The following RRAS2 variants were observed in gnomAD, a reference collection of about 807,000 sequenced individuals.
RRAS2 encodes ras-related protein R-Ras2.
RRAS2 carries 7 observed loss-of-function variants against 27.6 expected under a neutral mutation model. That is an observed-to-expected ratio of 0.25 (90% confidence interval 0.14 to 0.48). The LOEUF is 0.48. Ranked by LOEUF, RRAS2 falls within the 20% of genes least tolerant of loss-of-function variation. The pLI, the probability that RRAS2 is intolerant of heterozygous loss-of-function variation, is 0.99. For synonymous variants in RRAS2, 86 were observed against 90.9 expected (o/e 0.95, Z 0.31); for missense variants, 178 against 256.2 (o/e 0.69, Z 2.08).
intron 1 of RRAS2, among the ~76,000 whole-genome samples, chr11:14,312,271 A>C (rs1358614794): frequency 1.3e-5 from 2 of 152,240 alleles, no homozygotes; most frequent in Non-Finnish European, 2.9e-5. Flanking sequence ...GAAAAGAATA[A>C]GACACGTCTT....
chr11:14,324,812 T>C (rs1180955533), intron 1 of RRAS2, among the ~76,000 whole-genome samples: 2 of 151,780 alleles, frequency 1.3e-5, no homozygotes, highest in Non-Finnish European at 2.9e-5. Context: ...AAAAGACAAA[T>C]GGAACAAAAC....
chr11:14,348,449 C>A (rs996761840), intron 1 of RRAS2, among the ~76,000 whole-genome samples: 7 of 152,208 alleles, frequency 4.6e-5, no homozygotes, highest in Non-Finnish European at 1.0e-4. Context: ...CTTAAATCAA[C>A]TGTTATAATT....
chr11:14,341,688 C>A (rs1210252234), intron 1 of RRAS2: 10 of 316,512 alleles, frequency 3.2e-5, no homozygotes, highest in Non-Finnish European at 5.1e-5. Flanking sequence ...CCTTTAACAC[C>A]AAATTAACAG....
At chr11:14,355,848 C>G (rs1554955352) in intron 1 of RRAS2, among the ~76,000 whole-genome samples, 1 of 152,160 alleles carries the variant, frequency 6.6e-6, no homozygotes, top group African/African-American at 2.4e-5. Flanking sequence ...TGTGTTCTCT[C>G]CCTCCAGTTA....
chr11:14,301,846 GCGGGCACCTGTAGT>G (rs1847714635), intron 1 of RRAS2, among the ~76,000 whole-genome samples: 2 of 152,064 alleles, frequency 1.3e-5, no homozygotes, highest in South Asian at 4.1e-4. Flanking sequence ...GGGCGTGATA[GCGGGCACCTGTAGT>G]CCCAGCTATT....
At chr11:14,337,042 G>A (rs1554952637) in intron 1 of RRAS2, 1 of 152,116 alleles carries the variant, frequency 6.6e-6, no homozygotes, top group African/African-American at 2.4e-5. Context: ...GAAACCATGG[G>A]GATCAGAAGA....
chr11:14,317,256 A>T (rs1848127593), intron 1 of RRAS2, among the ~76,000 whole-genome samples: 1 of 152,244 alleles, frequency 6.6e-6, no homozygotes, highest in South Asian at 2.1e-4. Flanking sequence ...AATGCAAGAC[A>T]GACCTGTAAA....
intron 1 of RRAS2, among the ~76,000 whole-genome samples, chr11:14,297,567 G>C (rs967021620): frequency 4.6e-5 from 7 of 151,950 alleles, no homozygotes; most frequent in African/African-American, 2.4e-5. Context: ...TTCCAGACTA[G>C]CCTGGGCAAC....
chr11:14,352,095 CG>C (rs1351832971), intron 1 of RRAS2, among the ~76,000 whole-genome samples: 1 of 152,080 alleles, frequency 6.6e-6, no homozygotes, highest in East Asian at 1.9e-4. Context: ...AAAGCAACAT[CG>C]GATGTCTTTT....
chr11:14,354,461 C>T (rs1234262605), intron 1 of RRAS2: 1 of 151,914 alleles, frequency 6.6e-6, no homozygotes, highest in African/African-American at 2.4e-5. Flanking sequence ...GAAATTTCTC[C>T]AACTCAAAAC....
chr11:14,308,852 A>T (rs1246006806), intron 1 of RRAS2, among the ~76,000 whole-genome samples: 1 of 152,246 alleles, frequency 6.6e-6, no homozygotes, highest in Non-Finnish European at 1.5e-5. Flanking sequence ...AGAGGCAGTC[A>T]GACCTACATA....
chr11:14,314,774 C>T (rs531149241), intron 1 of RRAS2, among the ~76,000 whole-genome samples: 17 of 152,290 alleles, frequency 1.1e-4, no homozygotes, highest in African/African-American at 3.6e-4. Context: ...ACTGCAACCT[C>T]CGCCTCCAGG....
intron 4 of RRAS2, among the ~76,000 whole-genome samples, chr11:14,283,701 GT>G (rs1849599041): frequency 6.6e-6 from 1 of 152,002 alleles, no homozygotes. Context: ...GCATAAAGTT[GT>G]TTATAGTATT....
Position 14,320,119 on chromosome 11 carries a change from A to G in RRAS2, c.109-24264T>C, listed in dbSNP as rs376264163. On this transcript the variant is annotated intron_variant, in intron 1 of 5. Coordinates refer to ENST00000256196, the MANE Select transcript of RRAS2 (RefSeq NM_012250.6). The stretch of plus-strand genomic sequence containing the variant: ...TAGCACTGCCCACCCACCGCACCCC[A>G]CAAAAAAAGCCACATTCATTTGAGG... Among the ~76,000 whole-genome samples, 248 of 150,748 alleles carry G rather than the reference A, an allele frequency of 1.6e-3. 1 individual carries two copies. Among genetic ancestry groups the G allele is most frequent in the African/African-American group, 5.6e-3 (231 of 41,322 alleles).
intron 4 of RRAS2, among the ~76,000 whole-genome samples, chr11:14,292,117 A>G (rs934548172): frequency 1.2e-4 from 18 of 152,288 alleles, no homozygotes; most frequent in Admixed American, 9.8e-4. Flanking sequence ...CAGATTTTGG[A>G]GCATTTCAGA....
At chr11:14,326,580 T>C (rs1848361451) in intron 1 of RRAS2, among the ~76,000 whole-genome samples, 1 of 152,082 alleles carries the variant, frequency 6.6e-6, no homozygotes, top group Non-Finnish European at 1.5e-5. Context: ...TTTTAAGGGG[T>C]AAAAGTTCTA....
chr11:14,282,826 T>C (rs1249271403), intron 4 of RRAS2, among the ~76,000 whole-genome samples: 1 of 152,220 alleles, frequency 6.6e-6, no homozygotes, highest in African/African-American at 2.4e-5. Context: ...AGGAGTTCTT[T>C]TGTAAATTCC....
rs191287527 is a variant in RRAS2, at chr11:14,350,502, C to T, written c.108+8261G>A. Among the ~76,000 whole-genome samples the T allele has an allele frequency of 3.3e-3, 498 of 152,196 alleles. 2 individuals are homozygous for T. Among genetic ancestry groups the T allele is most frequent in the African/African-American group, 0.011 (455 of 41,506 alleles). Reference sequence around the variant, plus strand: ...AGCTTCCTTACACCCTCACCAGAAGCAGATGCTAGTACTGTGCTTCTTGTA... The same window carrying T: ...AGCTTCCTTACACCCTCACCAGAAGTAGATGCTAGTACTGTGCTTCTTGTA... On this transcript the variant is annotated intron_variant, in intron 1 of 5. Coordinates refer to ENST00000256196, the MANE Select transcript of RRAS2 (RefSeq NM_012250.6).
At chr11:14,309,039 C>T (rs1181219630) in intron 1 of RRAS2, among the ~76,000 whole-genome samples, 1 of 152,200 alleles carries the variant, frequency 6.6e-6, no homozygotes, top group Non-Finnish European at 1.5e-5. Flanking sequence ...AAAATTGGCT[C>T]TTTTCCTTTC....
Sources: gnomAD v4.1 joint callset for allele counts (sites outside exome capture counted in the v4.1 genomes callset) on GRCh38, gnomAD v4.1.1 for gene constraint, MANE v1.5 for transcripts, NCBI Gene and HGNC (gene_info 2026-07-23, HGNC 2026-07-21) for gene names.